The following CUEDC1 variants were observed in gnomAD, a reference collection of about 807,000 sequenced individuals.
CUEDC1 encodes CUE domain containing 1.
In CUEDC1, 30 loss-of-function variants were observed where a neutral mutation model predicts 43.7. The ratio of observed to expected loss-of-function variants is 0.69; its 90% CI spans 0.51 to 0.93. CUEDC1 has a LOEUF of 0.93. CUEDC1 is among the 40% of genes least tolerant of loss of function. CUEDC1 has a pLI of 0.00. For missense variants in CUEDC1, 486 were observed against 549.0 expected (o/e 0.89, Z 1.15); for synonymous variants, 223 against 223.6 (o/e 1.00, Z 0.02).
intron 1 of CUEDC1, among the ~76,000 whole-genome samples, chr17:57,931,046 A>C (rs2074798769): frequency 6.6e-6 from 1 of 152,060 alleles, no homozygotes; most frequent in African/African-American, 2.4e-5. Flanking sequence ...CCCAGCACTT[A>C]AGGAAGCTGA....
intron 10 of CUEDC1, among the ~76,000 whole-genome samples, chr17:57,865,464 C>A (rs539770738): frequency 7.0e-4 from 107 of 152,290 alleles, no homozygotes; most frequent in African/African-American, 2.4e-3. Flanking sequence ...CAGGGCCATA[C>A]CTGCCACACC....
intron 1 of CUEDC1, among the ~76,000 whole-genome samples, chr17:57,950,434 T>G (rs2074995586): frequency 6.6e-6 from 1 of 151,782 alleles, no homozygotes; most frequent in Non-Finnish European, 1.5e-5. Context: ...ATTACAGATA[T>G]GAGCCACCGT....
chr17:57,879,586 G>A (rs755118053), intron 3 of CUEDC1, 25 bp downstream of exon 3: 1 of 1,573,264 alleles, frequency 6.4e-7, no homozygotes, highest in South Asian at 1.2e-5. Context: ...GCCACCCTGT[G>A]CTCTGAGACA....
chr17:57,873,250 G>A (rs1205226224), intron 4 of CUEDC1, among the ~76,000 whole-genome samples: 1 of 152,132 alleles, frequency 6.6e-6, no homozygotes, highest in African/African-American at 2.4e-5. Flanking sequence ...CCAACATCTA[G>A]CAAGAAGCAG....
intron 1 of CUEDC1, among the ~76,000 whole-genome samples, chr17:57,893,921 CCGTCTCTA>C (rs1476038361): frequency 3.3e-5 from 5 of 152,146 alleles, no homozygotes; most frequent in African/African-American, 1.2e-4. Context: ...TGGTGAAACA[CCGTCTCTA>C]CTAAAAATAC....
chr17:57,885,639 C>G lies in CUEDC1; in HGVS notation c.-75G>C, dbSNP rs928463064. 7.5e-7 allele frequency: 1 copy of G among 1,333,580 alleles called. No individual in the cohort carries two copies. Among genetic ancestry groups the G allele is most frequent in the African/African-American group, 1.6e-5 (1 of 64,362 alleles). 82.6% of individuals were successfully genotyped at this position (1,333,580 alleles called of 1,614,324 possible). A position where few individuals can be genotyped will look rare whatever the true frequency, so the allele number is the denominator to read the frequency against. ...TCCCCAGGGTCTTTCCGCCGTCAGCCGCTTACTTGCCCTGCGGTCTCGGGC... is the reference window on the plus strand; with the variant it reads ...TCCCCAGGGTCTTTCCGCCGTCAGCGGCTTACTTGCCCTGCGGTCTCGGGC... On this transcript the variant is annotated 5_prime_UTR_variant, in exon 2 of 11. Coordinates refer to ENST00000577830, the MANE Select transcript of CUEDC1 (RefSeq NM_001271875.2).
chr17:57,936,510 T>C (rs567825963), intron 1 of CUEDC1, among the ~76,000 whole-genome samples: 89 of 152,146 alleles, frequency 5.8e-4, no homozygotes, highest in African/African-American at 2.1e-3. Flanking sequence ...CTTCTAGGAT[T>C]CTGCAGACTC....
Position 57,873,674 on chromosome 17 carries a change from A to T in CUEDC1, c.508T>A (p.Tyr170Asn). Residue 170 changes from tyrosine (Y) to asparagine (N), a missense_variant, in exon 4 of 11, where the codon TAT (tyrosine) becomes AAT (asparagine). Transcript: ENST00000577830. ...AGCAGTGGTGGGTTCCAGTTCCGAT[A>T]GCGTCTCTGGCTTGTAGGGGCTCCA... Reference protein sequence around the residue: ...GSGAPTSQRRYRNWNPPLLGN... With the variant: ...GSGAPTSQRRNRNWNPPLLGN... 6.2e-7 allele frequency: 1 copy of T among 1,604,756 alleles called. No homozygotes were observed. Among genetic ancestry groups the T allele is most frequent in the Non-Finnish European group, 8.5e-7 (1 of 1,175,648 alleles).
intron 3 of CUEDC1, among the ~76,000 whole-genome samples, chr17:57,875,782 CA>C (rs2074115350): frequency 6.6e-6 from 1 of 152,058 alleles, no homozygotes; most frequent in Admixed American, 6.6e-5. Flanking sequence ...CTTCAAGCCC[CA>C]TCGGACCCCC....
At chr17:57,924,430 CA>C (rs901573535) in intron 1 of CUEDC1, among the ~76,000 whole-genome samples, 5 of 116,890 alleles carry the variant, frequency 4.3e-5, no homozygotes, top group Non-Finnish European at 9.0e-5. Context: ...CGTTGCTGCT[CA>C]AAACTCTTAA....
At chr17:57,869,517 C>T (rs1230780291) in intron 6 of CUEDC1, among the ~76,000 whole-genome samples, 2 of 152,168 alleles carry the variant, frequency 1.3e-5, no homozygotes, top group Non-Finnish European at 2.9e-5. Context: ...GTATTTCCAC[C>T]ATGGAGGTCA....
rs2074001479 is a variant in CUEDC1 at position 57,869,168 on chromosome 17, C to T, written c.894G>A (p.Val298=). 1.2e-6 allele frequency: 2 copies of T among 1,614,082 alleles called. No individual in the cohort carries two copies. Among genetic ancestry groups the T allele is most frequent in the African/African-American group, 2.7e-5 (2 of 75,060 alleles). ...TGTCCCTGAATAAGGCATCTTCAGA[C>T]ACAGCGGGGTTGGCGTCGCCAGTTC... ...VPGTGDANPA[V]SEDALFRDKL... Residue 298 remains valine, a synonymous_variant, in exon 7 of 11, where the codon GTG becomes GTA. Coordinates refer to ENST00000577830, the MANE Select transcript of CUEDC1 (RefSeq NM_001271875.2).
At chr17:57,942,425 G>T (rs1567725876) in intron 1 of CUEDC1, among the ~76,000 whole-genome samples, 2 of 152,140 alleles carry the variant, frequency 1.3e-5, no homozygotes, top group African/African-American at 2.4e-5. Flanking sequence ...GTCTCGCTCT[G>T]TCGCCCAGGC....
At chr17:57,916,097 G>T (rs2074637222) in intron 1 of CUEDC1, among the ~76,000 whole-genome samples, 1 of 152,222 alleles carries the variant, frequency 6.6e-6, no homozygotes, top group East Asian at 1.9e-4. Flanking sequence ...CCAAGGGCCG[G>T]AAAGGTTAAA....
At chr17:57,884,530 G>C (rs1374281878) in intron 2 of CUEDC1, among the ~76,000 whole-genome samples, 1 of 152,128 alleles carries the variant, frequency 6.6e-6, no homozygotes, top group Non-Finnish European at 1.5e-5. Context: ...TCAGGGCTTT[G>C]TCAACCTCAT....
At chr17:57,951,545 G>A (rs561576016) in intron 1 of CUEDC1, among the ~76,000 whole-genome samples, 42 of 151,888 alleles carry the variant, frequency 2.8e-4, no homozygotes, top group African/African-American at 9.9e-4. Flanking sequence ...TGCAACCTCC[G>A]CCTCCCGAGT....
intron 1 of CUEDC1, chr17:57,892,685 CA>C (rs2074367833): frequency 6.6e-6 from 1 of 152,392 alleles, no homozygotes; most frequent in Non-Finnish European, 1.5e-5. Flanking sequence ...CAGGCCCTGG[CA>C]GCTCCCAGGG....
intron 1 of CUEDC1, among the ~76,000 whole-genome samples, chr17:57,943,043 C>G (rs1452744656): frequency 6.6e-6 from 1 of 152,086 alleles, no homozygotes; most frequent in African/African-American, 2.4e-5. Context: ...AAAACAAAAA[C>G]AAAAATGATC....
At chr17:57,935,382 C>CACACACAA (rs1019103924) in intron 1 of CUEDC1, among the ~76,000 whole-genome samples, 1 of 138,454 alleles carries the variant, frequency 7.2e-6, no homozygotes, top group African/African-American at 2.9e-5. Context: ...CCATTAGACA[C>CACACACAA]ACACACACAC....
Sources: allele counts gnomAD v4.1 joint callset (sites outside exome capture counted in the v4.1 genomes callset), GRCh38; gene constraint gnomAD v4.1.1; transcripts MANE v1.5; gene names NCBI Gene and HGNC (gene_info 2026-07-23, HGNC 2026-07-21).